The following ADD3 variants were observed in gnomAD, a reference collection of about 807,000 sequenced individuals.
ADD3 encodes the protein gamma-adducin.
Under a neutral mutation model 80.2 loss-of-function variants are expected in ADD3, and 25 were observed. The ratio of observed to expected loss-of-function variants is 0.31; its 90% CI spans 0.23 to 0.44. ADD3 has a LOEUF of 0.44. ADD3 is among the 20% of genes least tolerant of loss of function. ADD3 has a pLI of 1.00. For synonymous variants in ADD3, 284 were observed against 289.6 expected (o/e 0.98, Z 0.20); for missense variants, 829 against 847.5 (o/e 0.98, Z 0.27).
intron 2 of ADD3, among the ~76,000 whole-genome samples, chr10:110,111,029 T>A (rs1359833937): frequency 6.6e-6 from 1 of 151,912 alleles, no homozygotes; most frequent in Admixed American, 6.6e-5. Context: ...ACCCACCCTC[T>A]CAGAAAGGCT....
intron 1 of ADD3, among the ~76,000 whole-genome samples, chr10:110,018,612 G>A (rs1345755536): frequency 3.3e-5 from 5 of 151,860 alleles, no homozygotes; most frequent in African/African-American, 1.2e-4. Flanking sequence ...CCTTGAAGGA[G>A]GAGTTAAGAT....
chr10:110,073,768 C>T (rs189931434), intron 1 of ADD3, among the ~76,000 whole-genome samples: 59 of 152,252 alleles, frequency 3.9e-4, no homozygotes, highest in African/African-American at 1.4e-3. Flanking sequence ...CAGCACTTAA[C>T]GGATGGTTTC....
intron 1 of ADD3, among the ~76,000 whole-genome samples, chr10:110,037,282 C>G (rs955020342): frequency 6.6e-6 from 1 of 152,162 alleles, no homozygotes; most frequent in African/African-American, 2.4e-5. Context: ...GACACAGTCA[C>G]GTAGTGACTA....
rs1392122116 is a variant in ADD3 at position 110,135,468 on chromosome 10, CTG to C, written c.*1854_*1855del. ...GCATAAAGAATGAGCCAATGAACCT[CTG>C]TGTCCTGTGGAAAAATGTATAAATG... On this transcript the variant is annotated 3_prime_UTR_variant, in exon 15 of 15. Coordinates refer to ENST00000356080, the MANE Select transcript of ADD3 (RefSeq NM_016824.5). 1.0e-4 allele frequency: 16 copies of C among 152,742 alleles called. No homozygotes were observed. The East Asian group carries it at 2.3e-3, about 22-fold the overall frequency. 9.5% of individuals were successfully genotyped at this position (152,742 alleles called of 1,614,324 possible).
At chr10:110,056,411 A>G (rs1050660690) in intron 1 of ADD3, among the ~76,000 whole-genome samples, 1 of 152,372 alleles carries the variant, frequency 6.6e-6, no homozygotes, top group Admixed American at 6.5e-5. Context: ...ATTGAAAACT[A>G]GCAAAGACTA....
intron 1 of ADD3, among the ~76,000 whole-genome samples, chr10:110,094,357 A>G (rs1847906822): frequency 6.6e-6 from 1 of 152,176 alleles, no homozygotes; most frequent in Admixed American, 6.5e-5. Flanking sequence ...TAGAAAAGTC[A>G]CTCAACACCA....
chr10:110,006,629 T>C (rs888008122), upstream of ADD3, among the ~76,000 whole-genome samples: 4 of 152,184 alleles, frequency 2.6e-5, no homozygotes, highest in Non-Finnish European at 4.4e-5. Context: ...TCTACAGCCT[T>C]AGTCCAGTGG....
At chr10:110,041,808 G>C (rs1323174294) in intron 1 of ADD3, among the ~76,000 whole-genome samples, 2 of 152,126 alleles carry the variant, frequency 1.3e-5, no homozygotes, top group Admixed American at 6.5e-5. Context: ...ACAGCTGATA[G>C]GCATGTAGCA....
chr10:110,044,441 T>G (rs780549701), intron 1 of ADD3, among the ~76,000 whole-genome samples: 4 of 152,214 alleles, frequency 2.6e-5, no homozygotes, highest in Non-Finnish European at 5.9e-5. Context: ...TTTTGAGAGA[T>G]GAATCAACTA....
At chr10:110,028,771 A>G (rs1158641435) in intron 1 of ADD3, among the ~76,000 whole-genome samples, 2 of 152,140 alleles carry the variant, frequency 1.3e-5, no homozygotes, top group African/African-American at 2.4e-5. Context: ...ATTTCCATGT[A>G]CTTATACCAT....
At chr10:110,016,520 A>T (rs188055584) in intron 1 of ADD3, 1 of 152,248 alleles carries the variant, frequency 6.6e-6, no homozygotes, top group African/African-American at 2.4e-5. Context: ...CAGTCTTTCA[A>T]TAGCAGGTCT....
chr10:110,050,783 G>A (rs990563342), intron 1 of ADD3, among the ~76,000 whole-genome samples: 26 of 152,242 alleles, frequency 1.7e-4, no homozygotes, highest in African/African-American at 4.6e-4. Context: ...AAAGTGCTGG[G>A]ATTACAGGCA....
At chr10:110,129,744 A>C (rs1801272028) in intron 12 of ADD3, among the ~76,000 whole-genome samples, 1 of 152,062 alleles carries the variant, frequency 6.6e-6, no homozygotes. Flanking sequence ...CTTGCATTCC[A>C]GCTTCCAAAA....
intron 1 of ADD3, among the ~76,000 whole-genome samples, chr10:110,090,360 T>G (rs1475295391): frequency 6.6e-6 from 1 of 151,794 alleles, no homozygotes; most frequent in East Asian, 1.9e-4. Flanking sequence ...GCTAGGACTA[T>G]AGGCATGTAT....
chr10:110,113,016 T>C, intron 3 of ADD3, 101 bp downstream of exon 3: 1 of 1,266,020 alleles, frequency 7.9e-7, no homozygotes, highest in Non-Finnish European at 1.1e-6. Flanking sequence ...AGTCCTTAAG[T>C]TTATAACATC....
At chr10:110,018,125 C>T (rs1351252867) in intron 1 of ADD3, among the ~76,000 whole-genome samples, 5 of 152,122 alleles carry the variant, frequency 3.3e-5, no homozygotes, top group African/African-American at 7.2e-5. Flanking sequence ...TAGGAATGGT[C>T]AGCAATAACT....
At chr10:110,065,182 T>G (rs1168439601) in intron 1 of ADD3, among the ~76,000 whole-genome samples, 2 of 152,246 alleles carry the variant, frequency 1.3e-5, no homozygotes, top group Non-Finnish European at 2.9e-5. Flanking sequence ...AACTTTTTAG[T>G]GAGACAGTGT....
In ADD3 at chr10:110,119,326, T is replaced by G; in HGVS notation, c.833T>G (p.Leu278Arg). Reference sequence around the variant, plus strand: ...GAAGAACAGGAGGAGAGAATTCAACTGCAGAAGGTTCTGGGACCAAGTTGT... The same window carrying G: ...GAAGAACAGGAGGAGAGAATTCAACGGCAGAAGGTTCTGGGACCAAGTTGT... ...SLEEQEERIQ[L>R]QKVLGPSCKV... The change falls in exon 7 of 15, where the codon CTG becomes CGG. Residue 278 changes from leucine (L) to arginine (R), a missense_variant. By Grantham distance (102) the Leu-to-Arg change is moderately radical. Coordinates refer to ENST00000356080, the MANE Select transcript of ADD3 (RefSeq NM_016824.5). 2 of 1,614,156 alleles carry G rather than the reference T, an allele frequency of 1.2e-6. No individual in the cohort carries two copies. The highest frequency in any genetic ancestry group is 1.1e-5 in the South Asian group (1 of 91,080).
intron 13 of ADD3, 54 bp downstream of exon 13, chr10:110,130,540 T>A: frequency 6.3e-7 from 1 of 1,578,980 alleles, no homozygotes; most frequent in Non-Finnish European, 8.6e-7. Context: ...AACAATAAAG[T>A]ACCTCACGTT....
Sources: allele counts gnomAD v4.1 joint callset (sites outside exome capture counted in the v4.1 genomes callset), GRCh38; gene constraint gnomAD v4.1.1; transcripts MANE v1.5; gene names NCBI Gene and HGNC (gene_info 2026-07-23, HGNC 2026-07-21).